The following SOBP variants were observed in gnomAD, a reference collection of about 807,000 sequenced individuals.
The protein encoded by SOBP is sine oculis binding protein homolog, also known as sine oculis-binding protein homolog.
Under a neutral mutation model 53.6 loss-of-function variants are expected in SOBP, and 4 were observed. The observed-to-expected ratio is 0.07, with a 90% CI of 0.04 to 0.17. SOBP has a LOEUF of 0.17. Among genes scored for constraint, SOBP ranks in the 10% least tolerant of loss-of-function variants. The probability of loss-of-function intolerance (pLI) is 1.00; values close to 1 mark genes in which losing one functional copy is unlikely to be tolerated. For synonymous variants in SOBP, 584 were observed against 522.6 expected (o/e 1.12, Z -1.60); for missense variants, 1,088 against 1,204.7 (o/e 0.90, Z 1.43).
chr6:107,636,177 C>T (rs1771034452), intron 6 of SOBP: 1 of 157,828 alleles, frequency 6.3e-6, no homozygotes, highest in Non-Finnish European at 1.4e-5. Flanking sequence ...TGCTCTCTCC[C>T]CCTTTTGGGG....
At chr6:107,620,769 C>T (rs1786975018) in intron 5 of SOBP, among the ~76,000 whole-genome samples, 1 of 152,192 alleles carries the variant, frequency 6.6e-6, no homozygotes, top group Admixed American at 6.5e-5. Context: ...TTTAGAGCAT[C>T]CACCATATTT....
intron 4 of SOBP, among the ~76,000 whole-genome samples, chr6:107,567,240 T>G (rs1444202367): frequency 6.6e-6 from 1 of 152,224 alleles, no homozygotes; most frequent in Non-Finnish European, 1.5e-5. Flanking sequence ...GGACACATTT[T>G]CTTCCTCTTC....
chr6:107,573,885 C>T (rs1033662334), intron 4 of SOBP, among the ~76,000 whole-genome samples: 2 of 152,184 alleles, frequency 1.3e-5, no homozygotes, highest in African/African-American at 4.8e-5. Flanking sequence ...GGACCATTTG[C>T]TTTACTGTTA....
intron 5 of SOBP, among the ~76,000 whole-genome samples, chr6:107,622,827 G>A (rs1432771695): frequency 6.6e-6 from 1 of 152,172 alleles, no homozygotes; most frequent in Non-Finnish European, 1.5e-5. Flanking sequence ...TATAAAATAT[G>A]GAGCAGACAT....
At chr6:107,580,696 C>G (rs1785374637) in intron 4 of SOBP, among the ~76,000 whole-genome samples, 1 of 152,174 alleles carries the variant, frequency 6.6e-6, no homozygotes, top group African/African-American at 2.4e-5. Flanking sequence ...ATCAATTCAA[C>G]AGGGACGTGG....
intron 1 of SOBP, among the ~76,000 whole-genome samples, chr6:107,500,729 G>GTTTTTTT (rs1562573816): frequency 2.0e-5 from 3 of 151,868 alleles, no homozygotes; most frequent in Non-Finnish European, 2.9e-5. Flanking sequence ...GTTTCACCAT[G>GTTTTTTT]TTAGCCAGGA....
chr6:107,646,757 C>T (rs1771577504), intron 6 of SOBP, among the ~76,000 whole-genome samples: 1 of 152,206 alleles, frequency 6.6e-6, no homozygotes, highest in Non-Finnish European at 1.5e-5. Context: ...GAAGCTTCCA[C>T]ATGTGGTGCC....
chr6:107,616,084 T>C (rs966861182), intron 5 of SOBP, among the ~76,000 whole-genome samples: 10 of 62,568 alleles, frequency 1.6e-4, no homozygotes, highest in East Asian at 3.8e-4. Flanking sequence ...GGAAGGGGGG[T>C]GGGGGGGGGG....
chr6:107,549,321 T>A (rs1266758433), intron 4 of SOBP, among the ~76,000 whole-genome samples: 2 of 151,774 alleles, frequency 1.3e-5, no homozygotes, highest in Non-Finnish European at 2.9e-5. Flanking sequence ...TCCAGAGAAT[T>A]AATTATAAAG....
In SOBP at chr6:107,634,813, A is replaced by G. The variant is rs1770931891; in HGVS notation, c.1969A>G (p.Thr657Ala). The G allele has an allele frequency of 1.4e-6, 2 of 1,407,404 alleles. No individual in the cohort carries two copies. Among genetic ancestry groups the G allele is most frequent in the Non-Finnish European group, 1.9e-6 (2 of 1,077,800 alleles). 87.2% of individuals were successfully genotyped at this position (1,407,404 alleles called of 1,614,324 possible). The change falls in exon 6 of 7, where the codon ACC (threonine) becomes GCC (alanine). Residue 657 changes from threonine (T) to alanine (A), a missense_variant. By Grantham distance (58) the Thr-to-Ala change is moderately conservative (BLOSUM62 0). Coordinates refer to ENST00000317357, the MANE Select transcript of SOBP (RefSeq NM_018013.4). This position sits in a 1 kb window ranked among gnomAD's most constrained non-coding sequence, Gnocchi z 4.5. ...CCCGCAGGACGGCGTCATCGACCTG[A>G]CCGTGGGCCACCGAGCCCGGCTGCA... ...QGPQDGVIDL[T>A]VGHRARLHNV...
At chr6:107,618,273 A>G (rs972419570) in intron 5 of SOBP, among the ~76,000 whole-genome samples, 17 of 152,222 alleles carry the variant, frequency 1.1e-4, no homozygotes, top group Non-Finnish European at 2.5e-4. Context: ...GACCTTCCAG[A>G]AATCATAGTA....
At chr6:107,516,512 A>G (rs1783326183) in intron 3 of SOBP, among the ~76,000 whole-genome samples, 1 of 151,986 alleles carries the variant, frequency 6.6e-6, no homozygotes, top group African/African-American at 2.4e-5. Context: ...AAAGATCAGT[A>G]TCACCCACTT....
At chr6:107,528,230 G>T (rs552596366) in intron 3 of SOBP, among the ~76,000 whole-genome samples, 145 of 152,316 alleles carry the variant, frequency 9.5e-4, no homozygotes, top group African/African-American at 3.4e-3. Flanking sequence ...TTTAGCCAAA[G>T]AAATGACCTT....
intron 5 of SOBP, among the ~76,000 whole-genome samples, chr6:107,610,668 A>G (rs1005253531): frequency 6.6e-6 from 1 of 152,214 alleles, no homozygotes; most frequent in Non-Finnish European, 1.5e-5. Context: ...TCTTGTTCCA[A>G]ACATGATTGT....
At chr6:107,510,808 A>G (rs996009733) in intron 3 of SOBP, 1 of 152,214 alleles carries the variant, frequency 6.6e-6, no homozygotes, top group African/African-American at 2.4e-5. Context: ...GCTAGGAGCA[A>G]AAGGCCCCTT....
chr6:107,552,954 A>G (rs1358340034), intron 4 of SOBP, among the ~76,000 whole-genome samples: 4 of 152,160 alleles, frequency 2.6e-5, no homozygotes, highest in Admixed American at 2.0e-4. Context: ...TAGACTGATG[A>G]AGACATAATA....
At chr6:107,605,315 A>G (rs1156421575) in intron 5 of SOBP, among the ~76,000 whole-genome samples, 2 of 152,276 alleles carry the variant, frequency 1.3e-5, no homozygotes, top group East Asian at 1.9e-4. Flanking sequence ...CCATGGGGCT[A>G]GCAAACTGAA....
intron 5 of SOBP, among the ~76,000 whole-genome samples, chr6:107,629,850 C>A (rs977312523): frequency 2.0e-5 from 3 of 152,174 alleles, no homozygotes; most frequent in Non-Finnish European, 4.4e-5. Context: ...TTGGACCCAT[C>A]CCAGGAAGGT....
Position 107,624,047 on chromosome 6 carries a change from A to G in SOBP, c.670-9467A>G, listed in dbSNP as rs557473442. Reference sequence around the variant, plus strand: ...GGCTCAAGCTTGGAATATAACGAAGAGTCAATAAATGTTTGTTTTTAAAAA... The same window carrying G: ...GGCTCAAGCTTGGAATATAACGAAGGGTCAATAAATGTTTGTTTTTAAAAA... On this transcript the variant is annotated intron_variant, in intron 5 of 6. Coordinates refer to ENST00000317357, the MANE Select transcript of SOBP (RefSeq NM_018013.4). Among the ~76,000 whole-genome samples, 19 of 152,368 alleles carry G rather than the reference A, an allele frequency of 1.2e-4. No individual in the cohort carries two copies. The East Asian group carries it at 2.3e-3, about 19-fold the overall frequency.
Sources: gnomAD v4.1 joint callset for allele counts (sites outside exome capture counted in the v4.1 genomes callset) on GRCh38, gnomAD v4.1.1 for gene constraint, Gnocchi (gnomAD v3.1) non-coding constraint, MANE v1.5 for transcripts, NCBI Gene and HGNC (gene_info 2026-07-23, HGNC 2026-07-21) for gene names.